The following PACRG variants were observed in gnomAD, a reference collection of about 807,000 sequenced individuals.
PACRG encodes parkin coregulated gene protein.
In PACRG, 29 loss-of-function variants were observed where a neutral mutation model predicts 29.7. The ratio of observed to expected loss-of-function variants is 0.98; its 90% CI spans 0.73 to 1.33. The LOEUF (loss-of-function observed/expected upper bound fraction) is 1.33, where lower values mean the gene tolerates loss of function less well. PACRG is among the 40% of genes most tolerant of loss of function. PACRG has a pLI of 0.00. For missense variants in PACRG, 279 were observed against 316.2 expected, an observed-to-expected ratio of 0.88 and a Z score of 0.89; for synonymous variants, 116 against 118.7, an observed-to-expected ratio of 0.98 and a Z score of 0.15.
chr6:163,277,549 G>A (rs1414025524), intron 4 of PACRG, among the ~76,000 whole-genome samples: 1 of 147,416 alleles, frequency 6.8e-6, no homozygotes, highest in African/African-American at 2.5e-5. Flanking sequence ...GTGTATATAT[G>A]TGTATGCATA....
At chr6:163,028,283 T>C (rs965420219) in intron 2 of PACRG, among the ~76,000 whole-genome samples, 1 of 152,258 alleles carries the variant, frequency 6.6e-6, no homozygotes, top group Non-Finnish European at 1.5e-5. Flanking sequence ...TGTCTTTTTT[T>C]CTGCTTAGAA....
intron 2 of PACRG, among the ~76,000 whole-genome samples, chr6:162,912,931 A>AC (rs1353841875): frequency 3.3e-5 from 5 of 152,060 alleles, no homozygotes; most frequent in Non-Finnish European, 5.9e-5. Context: ...ACAAAAAAAA[A>AC]AAAAACAAAA....
At position 162,846,822 on chromosome 6, in the gene PACRG, C is replaced by T. The variant is rs180763253; in HGVS notation, c.291+32541C>T. ...ATGCTCCCCACTGTTGTCTGTGCTC[C>T]GCACACTGTCCACTGTGCTCCCCAC... On this transcript the variant is annotated intron_variant, in intron 2 of 4. Transcript: ENST00000366888. Among the ~76,000 whole-genome samples, 159 of 152,296 alleles carry T rather than the reference C, an allele frequency of 1.0e-3. No individual in the cohort carries two copies. In the East Asian group the frequency reaches 0.011, roughly 11 times the overall value.
At chr6:162,781,710 A>G (rs942052218) in intron 1 of PACRG, among the ~76,000 whole-genome samples, 2 of 151,760 alleles carry the variant, frequency 1.3e-5, no homozygotes, top group African/African-American at 4.8e-5. Context: ...AGACAGTGAT[A>G]AGTTTAAAAT....
chr6:163,234,187 T>C (rs1465096266), intron 4 of PACRG, among the ~76,000 whole-genome samples: 1 of 152,142 alleles, frequency 6.6e-6, no homozygotes, highest in African/African-American at 2.4e-5. Context: ...ATAGCTTGTT[T>C]GGCGCTGCCA....
intron 4 of PACRG, among the ~76,000 whole-genome samples, chr6:163,288,995 G>A (rs1201472857): frequency 6.6e-6 from 1 of 152,202 alleles, no homozygotes; most frequent in East Asian, 1.9e-4. Context: ...GTGAAACACA[G>A]TGATAAAAGC....
intron 2 of PACRG, among the ~76,000 whole-genome samples, chr6:163,018,229 C>G (rs1806284430): frequency 6.6e-6 from 1 of 152,144 alleles, no homozygotes; most frequent in African/African-American, 2.4e-5. Flanking sequence ...ACTCTCCTAC[C>G]CCTCATTTTT....
At chr6:162,841,425 T>G (rs1232605236) in intron 2 of PACRG, among the ~76,000 whole-genome samples, 1 of 152,174 alleles carries the variant, frequency 6.6e-6, no homozygotes, top group Non-Finnish European at 1.5e-5. Context: ...TGTATTTCTG[T>G]GGGATCGGTG....
At chr6:163,262,529 T>G (rs1293850357) in intron 4 of PACRG, among the ~76,000 whole-genome samples, 1 of 151,928 alleles carries the variant, frequency 6.6e-6, no homozygotes, top group Non-Finnish European at 1.5e-5. Context: ...ATGATCTCTT[T>G]TTTTTTTTCA....
At chr6:163,210,137 A>T (rs1462200375) in intron 4 of PACRG, among the ~76,000 whole-genome samples, 2 of 152,234 alleles carry the variant, frequency 1.3e-5, no homozygotes, top group Non-Finnish European at 2.9e-5. Context: ...CTTATTAAAG[A>T]TTACAGAGCA....
At chr6:163,153,084 C>A (rs1473462340) in intron 4 of PACRG, among the ~76,000 whole-genome samples, 1 of 152,036 alleles carries the variant, frequency 6.6e-6, no homozygotes, top group Non-Finnish European at 1.5e-5. Flanking sequence ...ATTTCTATAT[C>A]GAATAATTTT....
chr6:163,099,687 A>C (rs553666766), intron 4 of PACRG, among the ~76,000 whole-genome samples: 1 of 152,320 alleles, frequency 6.6e-6, no homozygotes, highest in Non-Finnish European at 1.5e-5. Flanking sequence ...GAAAGTAAGA[A>C]TGTCACCAAG....
intron 2 of PACRG, among the ~76,000 whole-genome samples, chr6:163,029,271 G>A (rs1371705489): frequency 6.6e-6 from 1 of 152,158 alleles, no homozygotes; most frequent in African/African-American, 2.4e-5. Context: ...GTCAGCCTGC[G>A]AGACCCATCT....
chr6:163,231,828 A>G (rs1252273017), intron 4 of PACRG, among the ~76,000 whole-genome samples: 2 of 152,212 alleles, frequency 1.3e-5, no homozygotes, highest in African/African-American at 4.8e-5. Flanking sequence ...GAGCCTCTCC[A>G]GACCACTGGC....
intron 2 of PACRG, among the ~76,000 whole-genome samples, chr6:162,832,306 GTCT>G (rs777138545): frequency 6.6e-6 from 1 of 152,104 alleles, no homozygotes; most frequent in South Asian, 2.1e-4. Context: ...CCACATAAAT[GTCT>G]TCTTTTGAGA....
At chr6:163,204,658 G>C (rs1481434893) in intron 4 of PACRG, among the ~76,000 whole-genome samples, 1 of 152,186 alleles carries the variant, frequency 6.6e-6, no homozygotes, top group African/African-American at 2.4e-5. Context: ...TGGAGGAAAA[G>C]AGAGACTCAT....
chr6:163,277,041 T>G (rs995758232), intron 4 of PACRG, among the ~76,000 whole-genome samples: 11 of 152,232 alleles, frequency 7.2e-5, no homozygotes, highest in Non-Finnish European at 1.3e-4. Context: ...TGCATGTTTT[T>G]AAAATCTCCA....
At chr6:162,779,017 G>A (rs1175995395) in intron 1 of PACRG, among the ~76,000 whole-genome samples, 1 of 152,144 alleles carries the variant, frequency 6.6e-6, no homozygotes, top group Non-Finnish European at 1.5e-5. Flanking sequence ...GGTTCTTCCT[G>A]ATGCGTTCCC....
chr6:162,735,970 A>G (rs1780135949), intron 1 of PACRG, among the ~76,000 whole-genome samples: 1 of 152,196 alleles, frequency 6.6e-6, no homozygotes, highest in South Asian at 2.1e-4. Flanking sequence ...AGAAGCATCA[A>G]TTTTGTCATT....
Sources: allele counts gnomAD v4.1 joint callset (sites outside exome capture counted in the v4.1 genomes callset), GRCh38; gene constraint gnomAD v4.1.1; transcripts MANE v1.5; gene names NCBI Gene and HGNC (gene_info 2026-07-23, HGNC 2026-07-21).